Variants in OPCML observed in about 807,000 individuals in gnomAD.
OPCML encodes the protein opioid-binding protein/cell adhesion molecule.
In OPCML, 13 loss-of-function variants were observed where a neutral mutation model predicts 37.8. That is an observed-to-expected ratio of 0.34 (90% CI 0.22 to 0.55). The LOEUF (loss-of-function observed/expected upper bound fraction) is 0.55, where lower values mean the gene tolerates loss of function less well. OPCML is among the 20% of genes least tolerant of loss of function. The probability of loss-of-function intolerance (pLI) is 0.91; values close to 1 mark genes in which losing one functional copy is unlikely to be tolerated. For synonymous variants in OPCML, 176 were observed against 168.8 expected, an observed-to-expected ratio of 1.04 and a Z score of -0.33; for missense variants, 341 against 435.6, an observed-to-expected ratio of 0.78 and a Z score of 1.93.
chr11:133,156,871 A>G (rs969039832), intron 1 of OPCML, among the ~76,000 whole-genome samples: 1 of 152,116 alleles, frequency 6.6e-6, no homozygotes, highest in Non-Finnish European at 1.5e-5. Flanking sequence ...AAACCTGAGT[A>G]AGACACCTAA....
intron 1 of OPCML, among the ~76,000 whole-genome samples, chr11:133,339,011 T>C (rs1943804073): frequency 6.6e-6 from 1 of 152,218 alleles, no homozygotes; most frequent in African/African-American, 2.4e-5. Flanking sequence ...ACAATGTTCC[T>C]ATTGTCTCTC....
At chr11:133,366,504 C>G (rs1045157953) in intron 1 of OPCML, among the ~76,000 whole-genome samples, 5 of 152,194 alleles carry the variant, frequency 3.3e-5, no homozygotes, top group Non-Finnish European at 7.3e-5. Flanking sequence ...TGGAATTATA[C>G]TGAGCTGGGG....
rs1950341022 is a variant in OPCML, at chr11:133,174,645, A to G, written c.62-231635T>C. 6.6e-6 allele frequency among the ~76,000 whole-genome samples: 1 copy of G among 151,720 alleles called. No homozygotes were observed. The highest frequency in any genetic ancestry group is 6.6e-5 in the Admixed American group (1 of 15,206). ...TCATGGAATGCTGTTTAGTGAAAAA[A>G]AAAAAAAAAAAAAGCAGGGGGAAGT... is the stretch of plus-strand genomic sequence containing the variant. On this transcript the variant is annotated intron_variant, in intron 1 of 7. Transcript: ENST00000524381. The surrounding 1 kb of genome is among the most constrained non-coding windows in gnomAD (Gnocchi z 4.6).
At chr11:133,411,540 C>T (rs1945652336) in intron 1 of OPCML, among the ~76,000 whole-genome samples, 1 of 152,112 alleles carries the variant, frequency 6.6e-6, no homozygotes, top group African/African-American at 2.4e-5. Flanking sequence ...TTACAGTGGC[C>T]CTCACACAGT....
intron 2 of OPCML, among the ~76,000 whole-genome samples, chr11:132,699,411 T>A (rs750261329): frequency 5.9e-5 from 9 of 152,150 alleles, no homozygotes; most frequent in Admixed American, 1.3e-4. Context: ...TAGATGGACA[T>A]CTTTGTCTTG....
chr11:132,630,818 C>G (rs1940056427), intron 3 of OPCML, among the ~76,000 whole-genome samples: 1 of 152,162 alleles, frequency 6.6e-6, no homozygotes, highest in Admixed American at 6.5e-5. Context: ...GGCACAACAA[C>G]ATTTATAACA....
At chr11:132,937,022 G>A (rs1367049442) in intron 2 of OPCML, among the ~76,000 whole-genome samples, 1 of 152,188 alleles carries the variant, frequency 6.6e-6, no homozygotes, top group Non-Finnish European at 1.5e-5. Flanking sequence ...ATTTCTGTCA[G>A]CCCTAAAGAT....
chr11:133,531,093 A>T (rs1292275286), intron 1 of OPCML, among the ~76,000 whole-genome samples: 1 of 152,192 alleles, frequency 6.6e-6, no homozygotes, highest in Non-Finnish European at 1.5e-5. Flanking sequence ...ATTTGGGGGA[A>T]AAAAAGAGAT....
intron 1 of OPCML, among the ~76,000 whole-genome samples, chr11:133,345,391 C>T (rs1311964774): frequency 1.3e-5 from 2 of 152,198 alleles, no homozygotes; most frequent in East Asian, 1.9e-4. Flanking sequence ...TCATGCATCT[C>T]GAGGAATAAA....
At chr11:133,038,918 C>T (rs1247602473) in intron 1 of OPCML, among the ~76,000 whole-genome samples, 1 of 152,012 alleles carries the variant, frequency 6.6e-6, no homozygotes, top group Admixed American at 6.5e-5. Flanking sequence ...CTGAGAGCTA[C>T]AAAGCGTCCT....
At chr11:133,358,032 C>T (rs1180706300) in intron 1 of OPCML, among the ~76,000 whole-genome samples, 1 of 152,198 alleles carries the variant, frequency 6.6e-6, no homozygotes, top group Non-Finnish European at 1.5e-5. Flanking sequence ...AGTCTTCCCC[C>T]AGCCTTTCCA....
At chr11:132,771,551 G>A (rs1212489813) in intron 2 of OPCML, 1 of 152,128 alleles carries the variant, frequency 6.6e-6, no homozygotes, top group African/African-American at 2.4e-5. Flanking sequence ...GCTCCTGAGA[G>A]CCCCCACGAG....
intron 2 of OPCML, among the ~76,000 whole-genome samples, chr11:132,774,108 T>C (rs561173298): frequency 6.6e-5 from 10 of 152,182 alleles, no homozygotes; most frequent in Non-Finnish European, 1.2e-4. Flanking sequence ...ATTTTACCTA[T>C]AGTCTGGCTC....
intron 1 of OPCML, among the ~76,000 whole-genome samples, chr11:133,483,309 G>A (rs1302104919): frequency 6.9e-6 from 1 of 145,430 alleles, no homozygotes; most frequent in Non-Finnish European, 1.5e-5. Context: ...CTGATAGATA[G>A]GCAGATAGAT....
chr11:132,857,476 T>C (rs946857708), intron 2 of OPCML, among the ~76,000 whole-genome samples: 2 of 152,200 alleles, frequency 1.3e-5, no homozygotes, highest in African/African-American at 2.4e-5. Context: ...ACTTGTTGAG[T>C]TTTGGTATAC....
At position 132,459,562 on chromosome 11, in the gene OPCML, A is replaced by AAG. The variant is rs368324204; in HGVS notation, c.506-22205_506-22204dup. ...ATATATATATAGATAGAGAGAGAGA[A>AAG]AGAGAGAGAGAGAGAGAGATCCTAC... On this transcript the variant is annotated intron_variant, in intron 4 of 7. Transcript: ENST00000524381. 7.1e-3 allele frequency among the ~76,000 whole-genome samples: 1,050 copies of AAG among 147,280 alleles called. 9 individuals are homozygous for AAG. The highest frequency in any genetic ancestry group is 0.017 in the East Asian group (85 of 5,054).
chr11:133,347,582 A>C (rs1202408691), intron 1 of OPCML, among the ~76,000 whole-genome samples: 1 of 152,148 alleles, frequency 6.6e-6, no homozygotes. Context: ...GAGTTTACAG[A>C]TTTAGGTTGG....
intron 1 of OPCML, among the ~76,000 whole-genome samples, chr11:133,030,257 C>T (rs557847197): frequency 2.0e-5 from 3 of 152,282 alleles, no homozygotes; most frequent in East Asian, 3.9e-4. Context: ...AGCTGAATCC[C>T]GAAACTTGAG....
chr11:132,584,660 G>T (rs1290519437), intron 3 of OPCML, among the ~76,000 whole-genome samples: 1 of 152,174 alleles, frequency 6.6e-6, no homozygotes, highest in Non-Finnish European at 1.5e-5. Context: ...TAAGAGTGAA[G>T]ATGATCAGAT....
Sources: allele counts gnomAD v4.1 joint callset (sites outside exome capture counted in the v4.1 genomes callset), GRCh38; gene constraint gnomAD v4.1.1; non-coding constraint Gnocchi (gnomAD v3.1); transcripts MANE v1.5; gene names NCBI Gene and HGNC (gene_info 2026-07-23, HGNC 2026-07-21).